SAMD5: variants seen among roughly 807,000 people sequenced by gnomAD.
The protein encoded by SAMD5 is sterile alpha motif domain containing 5.
In SAMD5, 13 loss-of-function variants were observed where a neutral mutation model predicts 11.3. The observed-to-expected ratio is 1.15, with a 90% CI of 0.75 to 1.83. The LOEUF is 1.83. SAMD5 is among the 40% of genes most tolerant of loss of function. The pLI, the probability that SAMD5 is intolerant of heterozygous loss-of-function variation, is 0.00. For missense variants in SAMD5, 255 were observed against 239.1 expected, an observed-to-expected ratio of 1.07 and a Z score of -0.44; for synonymous variants, 129 against 111.3, an observed-to-expected ratio of 1.16 and a Z score of -1.00.
intron 1 of SAMD5, among the ~76,000 whole-genome samples, chr6:147,664,329 A>G (rs1392554890): frequency 6.6e-6 from 1 of 152,166 alleles, no homozygotes; most frequent in Non-Finnish European, 1.5e-5. Flanking sequence ...CCCTGCTGAC[A>G]GTAATCATTA....
chr6:147,674,264 G>A (rs1316054663), intron 1 of SAMD5, among the ~76,000 whole-genome samples: 1 of 152,112 alleles, frequency 6.6e-6, no homozygotes, highest in Non-Finnish European at 1.5e-5. Flanking sequence ...AACACTAGAG[G>A]GTGGAGGGGG....
the SAMD5 span, among the ~76,000 whole-genome samples, chr6:147,759,190 C>G: frequency 1.3e-5 from 2 of 152,190 alleles, no homozygotes; most frequent in African/African-American, 2.4e-5. Context: ...TTGCATGCCT[C>G]TGAGTGATAG....
chr6:147,796,498 T>A, the SAMD5 span, among the ~76,000 whole-genome samples: 1 of 152,100 alleles, frequency 6.6e-6, no homozygotes, highest in Non-Finnish European at 1.5e-5. Flanking sequence ...AGTCAGGTAG[T>A]GTGATGCCTC....
At chr6:147,675,998 G>A (rs1212074482) in intron 1 of SAMD5, 1 of 152,150 alleles carries the variant, frequency 6.6e-6, no homozygotes, top group African/African-American at 2.4e-5. Flanking sequence ...CCTTTTAACT[G>A]TTTATTTTAC....
At chr6:147,951,299 A>G in the SAMD5 span, among the ~76,000 whole-genome samples, 1 of 151,438 alleles carries the variant, frequency 6.6e-6, no homozygotes, top group African/African-American at 2.4e-5. Context: ...CTCCTGCCTC[A>G]GCCTCCCACG....
At chr6:147,671,331 G>A (rs1442479299) in intron 1 of SAMD5, among the ~76,000 whole-genome samples, 1 of 152,144 alleles carries the variant, frequency 6.6e-6, no homozygotes, top group South Asian at 2.1e-4. Flanking sequence ...TGGAAAAATG[G>A]CGCCATAAGA....
At chr6:147,729,162 T>G (rs755630553) in intron 1 of SAMD5, among the ~76,000 whole-genome samples, 10 of 152,192 alleles carry the variant, frequency 6.6e-5, no homozygotes, top group Non-Finnish European at 1.5e-4. Context: ...CTTGTGTCTT[T>G]TCCTCTTCTT....
chr6:147,834,203 G>A, the SAMD5 span, among the ~76,000 whole-genome samples: 28 of 152,250 alleles, frequency 1.8e-4, no homozygotes, highest in African/African-American at 6.3e-4. Context: ...TAAAAGAGAT[G>A]AATAAATAGG....
chr6:147,789,621 T>C, the SAMD5 span, among the ~76,000 whole-genome samples: 1 of 152,202 alleles, frequency 6.6e-6, no homozygotes, highest in Non-Finnish European at 1.5e-5. Context: ...TGCTGATACA[T>C]TGTTATTATC....
At chr6:147,528,369 C>T (rs1788378222) in intron 1 of SAMD5, among the ~76,000 whole-genome samples, 1 of 152,182 alleles carries the variant, frequency 6.6e-6, no homozygotes, top group Non-Finnish European at 1.5e-5. Flanking sequence ...CGTGCCCCAG[C>T]TTGCAAATGG....
chr6:147,708,975 A>G (rs1791361136), intron 1 of SAMD5, among the ~76,000 whole-genome samples: 1 of 152,236 alleles, frequency 6.6e-6, no homozygotes, highest in African/African-American at 2.4e-5. Flanking sequence ...AAAAATTGCC[A>G]GTGTTAAAAT....
chr6:147,799,330 C>T, the SAMD5 span, among the ~76,000 whole-genome samples: 1 of 152,018 alleles, frequency 6.6e-6, no homozygotes, highest in Non-Finnish European at 1.5e-5. Flanking sequence ...ACTTTTGAAG[C>T]TTAGTTTGGC....
At chr6:147,909,544 T>A in the SAMD5 span, among the ~76,000 whole-genome samples, 2 of 150,008 alleles carry the variant, frequency 1.3e-5, no homozygotes, top group Non-Finnish European at 2.9e-5. Flanking sequence ...ACTGGCAAAC[T>A]GTGACCATCC....
At chr6:147,927,900 C>A in the SAMD5 span, among the ~76,000 whole-genome samples, 12 of 152,016 alleles carry the variant, frequency 7.9e-5, no homozygotes, top group Non-Finnish European at 1.5e-5. Flanking sequence ...TATCTAAAGC[C>A]TTTTCTGTAT....
chr6:147,923,921 A>T, the SAMD5 span, among the ~76,000 whole-genome samples: 1 of 152,298 alleles, frequency 6.6e-6, no homozygotes, highest in South Asian at 2.1e-4. Context: ...GCTAGCAGGA[A>T]CCTGGAAGAT....
chr6:147,895,162 C>A, the SAMD5 span, among the ~76,000 whole-genome samples: 31,637 of 152,106 alleles, frequency 0.21, 3,371 homozygotes, highest in Non-Finnish European at 0.23. Context: ...ACTGGCCCTG[C>A]CTTTTCTTGC....
the SAMD5 span, among the ~76,000 whole-genome samples, chr6:147,838,788 C>T: frequency 1.3e-5 from 2 of 152,126 alleles, no homozygotes; most frequent in Non-Finnish European, 1.5e-5. Context: ...GGCATACTCA[C>T]TTGTTGGGGG....
the SAMD5 span, among the ~76,000 whole-genome samples, chr6:147,881,580 T>G: frequency 1.3e-5 from 2 of 152,176 alleles, no homozygotes; most frequent in African/African-American, 4.8e-5. Context: ...AGCACCAGCT[T>G]GACTCCTGCT....
the SAMD5 span, among the ~76,000 whole-genome samples, chr6:147,845,203 T>TA: frequency 1.3e-5 from 2 of 150,554 alleles, no homozygotes; most frequent in African/African-American, 4.9e-5. Flanking sequence ...ACATTCATCC[T>TA]AAAAAAAAAT....
Sources: gnomAD v4.1 joint callset for allele counts (sites outside exome capture counted in the v4.1 genomes callset) on GRCh38, gnomAD v4.1.1 for gene constraint, MANE v1.5 for transcripts, NCBI Gene and HGNC (gene_info 2026-07-23, HGNC 2026-07-21) for gene names.